AZU1: variants seen among roughly 807,000 people sequenced by gnomAD.
AZU1 encodes azurocidin.
A neutral mutation model predicts 17.8 loss-of-function variants in AZU1; 21 were observed. The ratio of observed to expected loss-of-function variants is 1.18; its 90% confidence interval spans 0.84 to 1.70. The LOEUF is 1.70. Among genes scored for constraint, AZU1 ranks in the 40% most tolerant of loss-of-function variants. The pLI, the probability that AZU1 is intolerant of heterozygous loss-of-function variation, is 0.00. For missense variants in AZU1, 379 were observed against 362.9 expected, an observed-to-expected ratio of 1.04 and a Z score of -0.36; for synonymous variants, 178 against 155.2, an observed-to-expected ratio of 1.15 and a Z score of -1.09.
intron 2 of AZU1, among the ~76,000 whole-genome samples, chr19:828,740 A>G (rs1477366989): frequency 1.7e-4 from 15 of 89,768 alleles, no homozygotes; most frequent in South Asian, 4.6e-4. Context: ...GCCCAGAGAA[A>G]GGAAGGGGCT....
chr19:829,820 G>A, intron 3 of AZU1, 114 bp downstream of exon 3: 1 of 1,403,316 alleles, frequency 7.1e-7, no homozygotes, highest in Non-Finnish European at 9.6e-7. Flanking sequence ...CGGGAGTGGT[G>A]GCGCGCACCT....
Position 830,824 on chromosome 19 carries a change from TG to T in AZU1, c.483del (p.Arg162ValfsTer11), listed in dbSNP as rs772652509. 7.5e-6 allele frequency: 12 copies of T among 1,607,528 alleles called. No individual in the cohort carries two copies. Among genetic ancestry groups the T allele is most frequent in the African/African-American group, 2.7e-5 (2 of 74,916 alleles). ...QVAGWGSQRS[G>X]GRLSRFPRFV... ...TGGCCGGCTGGGGGAGCCAGCGCAG[TG>T]GGGGGCGTCTCTCCCGTTTTCCCAG... is the stretch of plus-strand genomic sequence containing the variant. On this transcript the variant is annotated frameshift_variant, in exon 4 of 5. Coordinates refer to ENST00000233997, the MANE Select transcript of AZU1 (RefSeq NM_001700.5). LOFTEE classifies it high-confidence loss of function.
In AZU1 at chr19:829,637, T is replaced by C. The variant is rs753550868; in HGVS notation, c.291T>C (p.Phe97=). Residue 97 remains phenylalanine (F), a synonymous_variant, in exon 3 of 5, where the codon TTT becomes TTC. Coordinates refer to ENST00000233997, the MANE Select transcript of AZU1 (RefSeq NM_001700.5). ...GGGAGAGGCAGTCCCGCCAGACGTTTTCCATCAGCAGCATGAGCGAGAATG... is the reference window on the plus strand; with the variant it reads ...GGGAGAGGCAGTCCCGCCAGACGTTCTCCATCAGCAGCATGAGCGAGAATG... ...RRRERQSRQT[F]SISSMSENGY... 2.5e-6 allele frequency: 4 copies of C among 1,613,442 alleles called. No homozygotes were observed. The highest frequency in any genetic ancestry group is 1.3e-5 in the African/African-American group (1 of 74,988).
intron 3 of AZU1, among the ~76,000 whole-genome samples, chr19:830,043 C>T (rs1056335010): frequency 6.6e-6 from 1 of 151,304 alleles, no homozygotes; most frequent in Admixed American, 6.6e-5. Flanking sequence ...GGGCGGATCA[C>T]GAGGTCAGGA....
intron 1 of AZU1, 122 bp from the exon 2 acceptor site, chr19:828,107 TG>T: frequency 7.6e-7 from 1 of 1,324,366 alleles, no homozygotes; most frequent in Non-Finnish European, 1.0e-6. Flanking sequence ...AGTGGGACGA[TG>T]GGGGAGGGTG....
intron 4 of AZU1, 194 bp from the exon 5 acceptor site, chr19:831,522 A>T: frequency 1.6e-6 from 1 of 621,480 alleles, no homozygotes; most frequent in Non-Finnish European, 2.7e-6. Flanking sequence ...TGGAGGTGCC[A>T]GGAAGCTCCA....
chr19:829,688 C>G lies in AZU1; in HGVS notation c.342C>G (p.Asn114Lys), dbSNP rs749526642. 1.9e-6 allele frequency: 3 copies of G among 1,613,288 alleles called. No individual in the cohort carries two copies. Among genetic ancestry groups the G allele is most frequent in the East Asian group, 2.2e-5 (1 of 44,888 alleles). The change falls in exon 3 of 5, where the codon AAC becomes AAG. Residue 114 changes from asparagine to lysine, a missense_variant. Transcript: ENST00000233997. ...ENGYDPQQNL[N>K]DLMLLQLDRE... Reference sequence around the variant, plus strand: ...GCTACGACCCCCAGCAGAACCTGAACGACCTGATGCTGCTTCAGGTGAGAG... The same window carrying G: ...GCTACGACCCCCAGCAGAACCTGAAGGACCTGATGCTGCTTCAGGTGAGAG...
At position 831,734 on chromosome 19, in the gene AZU1, C is replaced by T. The variant is rs1238444804; in HGVS notation, c.613C>T (p.Leu205Phe). Residue 205 changes from leucine (L) to phenylalanine (F), a missense_variant, in exon 5 of 5, where the codon CTC becomes TTC. By Grantham distance (22) the Leu-to-Phe change is conservative (BLOSUM62 0). Coordinates refer to ENST00000233997, the MANE Select transcript of AZU1 (RefSeq NM_001700.5). ...TGCCCAGGGGGACGGGGGCACCCCC[C>T]TCGTCTGCGAGGGCCTGGCCCACGG... Reference protein sequence around the residue: ...GICNGDGGTPLVCEGLAHGVA... With the variant: ...GICNGDGGTPFVCEGLAHGVA... The T allele has an allele frequency of 8.1e-6, 13 of 1,608,944 alleles. No homozygotes were observed. Among genetic ancestry groups the T allele is most frequent in the South Asian group, 1.1e-5 (1 of 90,550 alleles).
chr19:830,585 C>G (rs916214913), intron 3 of AZU1, 123 bp from the exon 4 acceptor site: 1 of 880,116 alleles, frequency 1.1e-6, no homozygotes, highest in Admixed American at 3.1e-5. Context: ...CGGCCCCTGC[C>G]GGGAATTAAA....
chr19:831,951 C>G lies in AZU1; in HGVS notation c.*74C>G. Reference sequence around the variant, plus strand: ...GGCGCTCCGCACCCACCTCCCACGGCCCCGCCCCTGCCCCCGCTCCGGCCA... The same window carrying G: ...GGCGCTCCGCACCCACCTCCCACGGGCCCGCCCCTGCCCCCGCTCCGGCCA... On this transcript the variant is annotated 3_prime_UTR_variant, in exon 5 of 5. Transcript: ENST00000233997. 1 of 1,503,692 alleles carries G rather than the reference C, an allele frequency of 6.7e-7. No homozygotes were observed. Among genetic ancestry groups the G allele is most frequent in the Non-Finnish European group, 9.0e-7 (1 of 1,107,788 alleles). The allele number at this position is 1,503,692 out of a possible 1,614,324, so 93.1% of individuals were successfully genotyped here. A position where few individuals can be genotyped will look rare whatever the true frequency, so the allele number is the denominator to read the frequency against.
chr19:831,291 G>C (rs575783490), intron 4 of AZU1: 1 of 321,604 alleles, frequency 3.1e-6, no homozygotes, highest in African/African-American at 2.2e-5. Flanking sequence ...TGTGGGTCAG[G>C]CTGGTCTCGA....
chr19:829,936 ATGTGTGTGTG>A lies in AZU1; in HGVS notation c.360+260_360+269del, dbSNP rs59995493. Among the ~76,000 whole-genome samples, 271 of 137,862 alleles carry A rather than the reference ATGTGTGTGTG, an allele frequency of 2.0e-3. 4 individuals carry two copies. The highest frequency in any genetic ancestry group is 6.7e-3 in the African/African-American group (240 of 35,724). 90.4% of individuals were successfully genotyped at this position (137,862 alleles called of 152,430 possible). On this transcript the variant is annotated intron_variant, in intron 3 of 4. Transcript: ENST00000233997. ...AAACTCAGTCTCTACAAAAATATAT[ATGTGTGTGTG>A]TGTGTGTGTGTGTGTGTGTGTGTGT...
At position 831,746 on chromosome 19, in the gene AZU1, G is replaced by A. The variant is rs747103284; in HGVS notation, c.625G>A (p.Gly209Ser). ...CGGGGGCACCCCCCTCGTCTGCGAGGGCCTGGCCCACGGCGTGGCCTCCTT... is the reference window on the plus strand; with the variant it reads ...CGGGGGCACCCCCCTCGTCTGCGAGAGCCTGGCCCACGGCGTGGCCTCCTT... ...GDGGTPLVCEGLAHGVASFSL... is the reference protein window; with the variant it reads ...GDGGTPLVCESLAHGVASFSL... Residue 209 changes from glycine to serine, a missense_variant, in exon 5 of 5, where the codon GGC becomes AGC. Physicochemically the swap from Gly to Ser is moderately conservative, Grantham distance 56. Coordinates refer to ENST00000233997, the MANE Select transcript of AZU1 (RefSeq NM_001700.5). 3.1e-6 allele frequency: 5 copies of A among 1,611,606 alleles called. No individual in the cohort carries two copies. The highest frequency in any genetic ancestry group is 4.2e-6 in the Non-Finnish European group (5 of 1,179,320).
intron 4 of AZU1, chr19:831,512 T>A: frequency 1.7e-6 from 1 of 589,472 alleles, no homozygotes; most frequent in Non-Finnish European, 2.9e-6. Flanking sequence ...TGGCCCAGCC[T>A]GGAGGTGCCA....
rs530870399 is a variant in AZU1 at position 830,627 on chromosome 19, G to T, written c.361-81G>T. On this transcript the variant is annotated intron_variant, in intron 3 of 4. Coordinates refer to ENST00000233997, the MANE Select transcript of AZU1 (RefSeq NM_001700.5). ...CCACTTACAGACTACAGTTAATGTC[G>T]CTGACACTTCTGCTCCCAGGGGTCC... 7.4e-5 allele frequency: 90 copies of T among 1,215,610 alleles called. 1 individual carries two copies. The highest frequency in any genetic ancestry group is 9.7e-5 in the Non-Finnish European group (86 of 887,706). 75.3% of individuals were successfully genotyped at this position (1,215,610 alleles called of 1,614,324 possible).
Position 831,872 on chromosome 19 carries a change from G to C in AZU1, c.751G>C (p.Ala251Pro). Residue 251 changes from alanine to proline, a missense_variant, in exon 5 of 5, where the codon GCC becomes CCC. Coordinates refer to ENST00000233997, the MANE Select transcript of AZU1 (RefSeq NM_001700.5). ...TCTCAACAACCCGGGACCGGGGCCA[G>C]CCTAGGGGGGCCTGTGACCTCCCAT... ...GVLNNPGPGP[A>P] 1 of 1,610,812 alleles carries C rather than the reference G, an allele frequency of 6.2e-7. No homozygotes were observed. Among genetic ancestry groups the C allele is most frequent in the Non-Finnish European group, 8.5e-7 (1 of 1,178,750 alleles).
chr19:829,838 C>CT lies in AZU1; in HGVS notation c.360+133dup. The CT allele has an allele frequency of 1.9e-5, 25 of 1,313,422 alleles. No homozygotes were observed. In the South Asian group the frequency reaches 2.1e-4, roughly 11 times the overall value. 81.4% of individuals were successfully genotyped at this position (1,313,422 alleles called of 1,614,324 possible). ...GAGTGGTGGCGCGCACCTGTGGCCC[C>CT]TGTGCTTCAGGAGGCCGAGGCGGAA... On this transcript the variant is annotated intron_variant, in intron 3 of 4. Coordinates refer to ENST00000233997, the MANE Select transcript of AZU1 (RefSeq NM_001700.5).
rs773907749 is a variant in AZU1 at position 830,855 on chromosome 19, G to A, written c.508G>A (p.Val170Ile). Residue 170 changes from valine (V) to isoleucine (I), a missense_variant, in exon 4 of 5, where the codon GTC becomes ATC. By Grantham distance (29) the Val-to-Ile change is conservative. Coordinates refer to ENST00000233997, the MANE Select transcript of AZU1 (RefSeq NM_001700.5). The part of the protein sequence containing the change: ...GGRLSRFPRF[V>I]NVTVTPEDQC... Reference sequence around the variant, plus strand: ...GCGTCTCTCCCGTTTTCCCAGGTTTGTCAACGTGACTGTGACCCCCGAGGA... The same window carrying A: ...GCGTCTCTCCCGTTTTCCCAGGTTTATCAACGTGACTGTGACCCCCGAGGA... 12 of 1,607,750 alleles carry A rather than the reference G, an allele frequency of 7.5e-6. No homozygotes were observed. The highest frequency in any genetic ancestry group is 4.4e-5 in the South Asian group (4 of 91,072).
chr19:829,684 T>C lies in AZU1; in HGVS notation c.338T>C (p.Leu113Pro). The change falls in exon 3 of 5, where the codon CTG becomes CCG. Residue 113 changes from leucine (L) to proline (P), a missense_variant. Transcript: ENST00000233997. ...SENGYDPQQN[L>P]NDLMLLQLDR... is the part of the protein sequence containing the mutation. The stretch of plus-strand genomic sequence containing the variant: ...AATGGCTACGACCCCCAGCAGAACC[T>C]GAACGACCTGATGCTGCTTCAGGTG... The C allele has an allele frequency of 6.2e-7, 1 of 1,613,318 alleles. No homozygotes were observed. The highest frequency in any genetic ancestry group is 8.5e-7 in the Non-Finnish European group (1 of 1,179,924).
Sources: gnomAD v4.1 joint callset for allele counts (sites outside exome capture counted in the v4.1 genomes callset) on GRCh38, gnomAD v4.1.1 for gene constraint, MANE v1.5 for transcripts, NCBI Gene and HGNC (gene_info 2026-07-23, HGNC 2026-07-21) for gene names.